Variants in TECRL observed in about 807,000 individuals in gnomAD.
TECRL encodes trans-2,3-enoyl-CoA reductase-like.
A neutral mutation model predicts 52.8 loss-of-function variants in TECRL; 63 were observed. The observed-to-expected ratio is 1.19, with a 90% CI of 0.97 to 1.47. The LOEUF (loss-of-function observed/expected upper bound fraction) is 1.47. Ranked by LOEUF, TECRL falls within the 40% of genes most tolerant of loss-of-function variation. TECRL has a pLI of 0.00. For missense variants in TECRL, 482 were observed against 429.6 expected (o/e 1.12, Z -1.08); for synonymous variants, 164 against 141.9 (o/e 1.16, Z -1.10).
At chr4:64,377,658 C>G (rs1476866038) in intron 1 of TECRL, among the ~76,000 whole-genome samples, 1 of 151,970 alleles carries the variant, frequency 6.6e-6, no homozygotes, top group Non-Finnish European at 1.5e-5. Context: ...GAATTTACTT[C>G]TAAATTTTAA....
intron 9 of TECRL, among the ~76,000 whole-genome samples, chr4:64,283,223 AC>A (rs778666172): frequency 2.0e-5 from 3 of 152,028 alleles, no homozygotes; most frequent in Non-Finnish European, 2.9e-5. Flanking sequence ...TCAATTTCCT[AC>A]CTAAATATGA....
At chr4:64,338,041 G>A (rs1010727297) in intron 2 of TECRL, among the ~76,000 whole-genome samples, 12 of 152,080 alleles carry the variant, frequency 7.9e-5, no homozygotes, top group African/African-American at 2.9e-4. Flanking sequence ...ATACTATAAG[G>A]CTACAATAAC....
Position 64,278,159 on chromosome 4 carries a change from T to C in TECRL, c.*1913A>G, listed in dbSNP as rs1722642310. On this transcript the variant is annotated 3_prime_UTR_variant, in exon 12 of 12. Coordinates refer to ENST00000381210, the MANE Select transcript of TECRL (RefSeq NM_001010874.5). ...AATTTACATACAAATATAATCTATA[T>C]ATTTCAAAATATATATTTAGAATGA... 1 of 151,592 alleles carries C rather than the reference T, an allele frequency of 6.6e-6. No individual in the cohort carries two copies. Among genetic ancestry groups the C allele is most frequent in the South Asian group, 2.1e-4 (1 of 4,834 alleles). 9.4% of individuals were successfully genotyped at this position (151,592 alleles called of 1,614,324 possible).
intron 4 of TECRL, among the ~76,000 whole-genome samples, chr4:64,320,738 G>A (rs1247397232): frequency 6.6e-6 from 1 of 151,962 alleles, no homozygotes; most frequent in Non-Finnish European, 1.5e-5. Context: ...AAGACCCTGT[G>A]AATATTTTAA....
intron 1 of TECRL, among the ~76,000 whole-genome samples, chr4:64,378,501 A>G (rs1363496337): frequency 6.6e-6 from 1 of 152,118 alleles, no homozygotes; most frequent in East Asian, 1.9e-4. Context: ...TCAAACAAAC[A>G]AACAAACAAA....
chr4:64,277,178 A>T (rs1446900842), downstream of TECRL: 1 of 582,640 alleles, frequency 1.7e-6, no homozygotes, highest in African/African-American at 1.8e-5. Context: ...AGCAACTGGC[A>T]TAAGGGAGTG....
intron 8 of TECRL, among the ~76,000 whole-genome samples, chr4:64,297,040 G>GA (rs1214870441): frequency 2.6e-5 from 4 of 151,384 alleles, no homozygotes; most frequent in African/African-American, 4.8e-5. Context: ...AATAGAGATA[G>GA]AAAAAACCTC....
intron 6 of TECRL, 69 bp downstream of exon 6, chr4:64,309,757 T>C (rs568017561): frequency 2.0e-6 from 2 of 1,009,502 alleles, no homozygotes; most frequent in South Asian, 2.8e-5. Context: ...AAACAATGAT[T>C]AAATATTTTG....
intron 2 of TECRL, among the ~76,000 whole-genome samples, chr4:64,346,292 C>G (rs1222461460): frequency 6.6e-6 from 1 of 152,300 alleles, no homozygotes; most frequent in East Asian, 1.9e-4. Flanking sequence ...TTTCTCACAG[C>G]CCCACTAGGC....
intron 8 of TECRL, among the ~76,000 whole-genome samples, chr4:64,297,111 A>G (rs1723730924): frequency 2.0e-5 from 3 of 151,554 alleles, no homozygotes; most frequent in South Asian, 4.1e-4. Flanking sequence ...TTATGTATAC[A>G]TTGTAAATTA....
intron 9 of TECRL, among the ~76,000 whole-genome samples, chr4:64,284,144 T>C (rs7668842): frequency 0.94 from 143,409 of 152,026 alleles, 67,711 homozygotes; most frequent in East Asian, 1. Flanking sequence ...TTTATGTTTT[T>C]GGAGCACTGT....
intron 4 of TECRL, among the ~76,000 whole-genome samples, chr4:64,315,413 A>G (rs1215858723): frequency 1.3e-5 from 2 of 152,160 alleles, no homozygotes; most frequent in Non-Finnish European, 2.9e-5. Context: ...AGTGATTGCA[A>G]AAGATTAATT....
At chr4:64,353,208 A>G (rs1270081134) in intron 2 of TECRL, among the ~76,000 whole-genome samples, 1 of 152,084 alleles carries the variant, frequency 6.6e-6, no homozygotes. Flanking sequence ...AAGTTCTCAG[A>G]GAGTAATAAA....
chr4:64,397,395 G>A (rs6845410), intron 1 of TECRL, among the ~76,000 whole-genome samples: 90,629 of 151,466 alleles, frequency 0.6, 29,896 homozygotes, highest in Non-Finnish European at 0.74. Flanking sequence ...TACATACATG[G>A]TCCTAAGATG....
intron 2 of TECRL, among the ~76,000 whole-genome samples, chr4:64,355,758 G>A (rs1380508795): frequency 1.3e-4 from 18 of 137,620 alleles, no homozygotes; most frequent in Middle Eastern, 4.7e-3. Context: ...CTGCACTACT[G>A]CACTCCAGCC....
intron 9 of TECRL, among the ~76,000 whole-genome samples, chr4:64,282,925 G>C (rs1247952806): frequency 6.6e-6 from 1 of 151,940 alleles, no homozygotes; most frequent in African/African-American, 2.4e-5. Flanking sequence ...TTAAATTAAA[G>C]TCAGGAGGTT....
intron 2 of TECRL, among the ~76,000 whole-genome samples, chr4:64,349,563 A>T (rs1720235740): frequency 6.6e-6 from 1 of 152,224 alleles, no homozygotes; most frequent in Non-Finnish European, 1.5e-5. Context: ...ATGAACCTAG[A>T]TTCTAAGCTT....
Position 64,334,030 on chromosome 4 carries a change from CA to C in TECRL, c.287-5475del, listed in dbSNP as rs4034910. 1.3e-3 allele frequency among the ~76,000 whole-genome samples: 36 copies of C among 28,032 alleles called. 1 individual carries two copies. Among genetic ancestry groups the C allele is most frequent in the Non-Finnish European group, 1.8e-3 (21 of 11,582 alleles). The allele number at this position is 28,032 out of a possible 152,430, so 18.4% of individuals were successfully genotyped here. The stretch of plus-strand genomic sequence containing the variant: ...TGGGCGACAGAGCGAGACTCCGTCT[CA>C]AAAAAAAAAAAAAAAAAAGAAAAAG... On this transcript the variant is annotated intron_variant, in intron 2 of 11. Coordinates refer to ENST00000381210, the MANE Select transcript of TECRL (RefSeq NM_001010874.5).
chr4:64,336,024 C>T (rs919686591), intron 2 of TECRL, among the ~76,000 whole-genome samples: 1 of 152,030 alleles, frequency 6.6e-6, no homozygotes, highest in Non-Finnish European at 1.5e-5. Context: ...ACGCTGGCCT[C>T]ATAAAATGAG....
Sources: gnomAD v4.1 joint callset for allele counts (sites outside exome capture counted in the v4.1 genomes callset) on GRCh38, gnomAD v4.1.1 for gene constraint, MANE v1.5 for transcripts, NCBI Gene and HGNC (gene_info 2026-07-23, HGNC 2026-07-21) for gene names.